ACSS3: variants seen among roughly 807,000 people sequenced by gnomAD.
ACSS3 encodes the protein acyl-CoA synthetase short-chain family member 3, mitochondrial.
In ACSS3, 64 loss-of-function variants were observed where a neutral mutation model predicts 84.2. The observed-to-expected ratio is 0.76, with a 90% CI of 0.62 to 0.94. The LOEUF is 0.94. Ranked by LOEUF, ACSS3 falls within the 40% of genes least tolerant of loss-of-function variation. The pLI is 0.00. For synonymous variants in ACSS3, 317 were observed against 310.1 expected, an observed-to-expected ratio of 1.02 and a Z score of -0.23; for missense variants, 815 against 867.6, an observed-to-expected ratio of 0.94 and a Z score of 0.76.
intron 7 of ACSS3, among the ~76,000 whole-genome samples, chr12:81,162,644 C>G (rs1010300757): frequency 2.0e-5 from 3 of 152,136 alleles, no homozygotes; most frequent in African/African-American, 7.2e-5. Context: ...TGGGGACCCA[C>G]CCCTTTCCAC....
intron 8 of ACSS3, among the ~76,000 whole-genome samples, chr12:81,192,098 T>A (rs968600461): frequency 2.0e-5 from 3 of 152,174 alleles, no homozygotes; most frequent in African/African-American, 7.2e-5. Flanking sequence ...AATAGCTATT[T>A]TGGCCGGGTG....
intron 1 of ACSS3, among the ~76,000 whole-genome samples, chr12:81,108,498 T>C (rs1883283316): frequency 6.6e-6 from 1 of 151,882 alleles, no homozygotes; most frequent in Admixed American, 6.6e-5. Flanking sequence ...AGGTTGGTCT[T>C]GAACTTCTGA....
intron 8 of ACSS3, among the ~76,000 whole-genome samples, chr12:81,191,998 T>G (rs1036493842): frequency 6.6e-6 from 1 of 152,240 alleles, no homozygotes; most frequent in African/African-American, 2.4e-5. Context: ...CAAAAATAAC[T>G]GATTTTATGT....
intron 7 of ACSS3, among the ~76,000 whole-genome samples, chr12:81,153,213 G>A (rs970570553): frequency 6.6e-6 from 1 of 152,090 alleles, no homozygotes; most frequent in African/African-American, 2.4e-5. Context: ...TTCGAGACCA[G>A]CCTGCCAAAC....
rs77713790 is a variant in ACSS3 at position 81,093,087 on chromosome 12, G to A, written c.311+14656G>A. Among the ~76,000 whole-genome samples, 1,259 of 152,090 alleles carry A rather than the reference G, an allele frequency of 8.3e-3. 14 individuals are homozygous for A. Among genetic ancestry groups the A allele is most frequent in the East Asian group, 0.045 (232 of 5,158 alleles). On this transcript the variant is annotated intron_variant, in intron 1 of 15. Coordinates refer to ENST00000548058, the MANE Select transcript of ACSS3 (RefSeq NM_024560.4). ...GTGTGATTTAATTATCAAGGGAGAGGTTTTATAAATGCAAGGCCTAGGATT... is the reference window on the plus strand; with the variant it reads ...GTGTGATTTAATTATCAAGGGAGAGATTTTATAAATGCAAGGCCTAGGATT...
intron 8 of ACSS3, among the ~76,000 whole-genome samples, chr12:81,184,032 A>G (rs1836511292): frequency 6.6e-6 from 1 of 152,002 alleles, no homozygotes; most frequent in South Asian, 2.1e-4. Context: ...GATAGATTGC[A>G]TGTTAGGCCA....
At chr12:81,096,310 A>T (rs1882041331) in intron 1 of ACSS3, among the ~76,000 whole-genome samples, 1 of 152,158 alleles carries the variant, frequency 6.6e-6, no homozygotes, top group African/African-American at 2.4e-5. Flanking sequence ...TCACACTTAC[A>T]AGCTTTTATT....
intron 7 of ACSS3, among the ~76,000 whole-genome samples, chr12:81,152,754 G>C (rs1257156310): frequency 2.6e-5 from 4 of 152,096 alleles, no homozygotes; most frequent in Non-Finnish European, 5.9e-5. Flanking sequence ...TAATATGGTA[G>C]TTTGCTAAAT....
chr12:81,078,723 T>C (rs1463308907), intron 1 of ACSS3, among the ~76,000 whole-genome samples: 1 of 151,982 alleles, frequency 6.6e-6, no homozygotes, highest in Non-Finnish European at 1.5e-5. Context: ...TAAAACAAGA[T>C]CCTGCCTCCA....
At chr12:81,080,580 G>A (rs2121254403) in intron 1 of ACSS3, among the ~76,000 whole-genome samples, 1 of 152,190 alleles carries the variant, frequency 6.6e-6, no homozygotes, top group Non-Finnish European at 1.5e-5. Flanking sequence ...TGGGCAAGCA[G>A]GGTTGGGAGG....
chr12:81,233,889 A>G lies in ACSS3; in HGVS notation c.1719+418A>G, dbSNP rs557507807. 3.3e-5 allele frequency among the ~76,000 whole-genome samples: 5 copies of G among 151,726 alleles called. No individual in the cohort carries two copies. The East Asian group carries it at 7.8e-4, about 24-fold the overall frequency. ...CCAATGTAAGTCACATAAAGTCTCC[A>G]GAAGAGGTTTTTTAAAATGTTTTAA... On this transcript the variant is annotated intron_variant, in intron 13 of 15. Coordinates refer to ENST00000548058, the MANE Select transcript of ACSS3 (RefSeq NM_024560.4).
chr12:81,085,072 T>C (rs1415588098), intron 1 of ACSS3, among the ~76,000 whole-genome samples: 5 of 152,216 alleles, frequency 3.3e-5, no homozygotes, highest in Non-Finnish European at 1.5e-5. Context: ...GAAATCTATG[T>C]TTAAATGCAG....
At chr12:81,184,162 G>C (rs2031113111) in intron 8 of ACSS3, among the ~76,000 whole-genome samples, 1 of 151,818 alleles carries the variant, frequency 6.6e-6, no homozygotes, top group Non-Finnish European at 1.5e-5. Flanking sequence ...ACAAATATGT[G>C]GAAATTAAAC....
chr12:81,231,342 G>T (rs1467982856), intron 12 of ACSS3, among the ~76,000 whole-genome samples: 1 of 151,728 alleles, frequency 6.6e-6, no homozygotes, highest in African/African-American at 2.4e-5. Flanking sequence ...TCAGTCTCTA[G>T]ACATAGAAAT....
intron 1 of ACSS3, among the ~76,000 whole-genome samples, chr12:81,103,760 A>G (rs543447238): frequency 2.6e-5 from 4 of 152,202 alleles, no homozygotes; most frequent in Admixed American, 6.5e-5. Context: ...TTTCAATATT[A>G]AACTACTCTA....
chr12:81,190,003 G>T (rs1170460199), intron 8 of ACSS3, among the ~76,000 whole-genome samples: 1 of 152,014 alleles, frequency 6.6e-6, no homozygotes, highest in Non-Finnish European at 1.5e-5. Flanking sequence ...TTTGCTTCTT[G>T]ATTCTATTCT....
chr12:81,128,955 A>C (rs1208532668), intron 2 of ACSS3, among the ~76,000 whole-genome samples: 1 of 152,218 alleles, frequency 6.6e-6, no homozygotes, highest in Non-Finnish European at 1.5e-5. Flanking sequence ...TTTACAAATT[A>C]TAATGGAAAA....
chr12:81,202,589 A>G lies in ACSS3; in HGVS notation c.1354+3145A>G, dbSNP rs193052350. The stretch of plus-strand genomic sequence containing the variant: ...CTTTATTTCAAATTTCAAGTTTTCT[A>G]CAGGGTCCCTTTTTCTTGTTATTGA... On this transcript the variant is annotated intron_variant, in intron 9 of 15. Coordinates refer to ENST00000548058, the MANE Select transcript of ACSS3 (RefSeq NM_024560.4). Among the ~76,000 whole-genome samples the G allele has an allele frequency of 2.8e-3, 432 of 152,286 alleles. 2 individuals carry two copies. The highest frequency in any genetic ancestry group is 9.8e-3 in the African/African-American group (406 of 41,568).
chr12:81,151,808 GT>G, intron 5 of ACSS3, 35 bp from the exon 6 acceptor site: 1 of 1,580,968 alleles, frequency 6.3e-7, no homozygotes. Context: ...TTTACACATT[GT>G]TTATTGATTT....
Sources: allele counts gnomAD v4.1 joint callset (sites outside exome capture counted in the v4.1 genomes callset), GRCh38; gene constraint gnomAD v4.1.1; transcripts MANE v1.5; gene names NCBI Gene and HGNC (gene_info 2026-07-23, HGNC 2026-07-21).